Variants in GPR158 observed in about 807,000 individuals in gnomAD.
GPR158 encodes the protein G protein-coupled receptor 158.
GPR158 carries 30 observed loss-of-function variants against 78.2 expected under a neutral mutation model. The observed-to-expected ratio is 0.38, with a 90% confidence interval of 0.29 to 0.52. GPR158 has a LOEUF of 0.52. GPR158 is among the 20% of genes least tolerant of loss of function. The pLI is 0.83. For synonymous variants in GPR158, 581 were observed against 591.1 expected, an observed-to-expected ratio of 0.98 and a Z score of 0.25; for missense variants, 1,463 against 1,523.5, an observed-to-expected ratio of 0.96 and a Z score of 0.66.
At chr10:25,241,807 A>G (rs187040105) in intron 2 of GPR158, among the ~76,000 whole-genome samples, 247 of 152,294 alleles carry the variant, frequency 1.6e-3, no homozygotes, top group African/African-American at 5.7e-3. Flanking sequence ...AACTTAAGGT[A>G]TACAACTAAC....
chr10:25,298,495 C>CA (rs1004318644), intron 2 of GPR158, among the ~76,000 whole-genome samples: 3 of 152,020 alleles, frequency 2.0e-5, no homozygotes, highest in African/African-American at 7.2e-5. Flanking sequence ...TATTTTAAAT[C>CA]AAAAAATGGT....
intron 1 of GPR158, among the ~76,000 whole-genome samples, chr10:25,187,266 T>C (rs558127468): frequency 2.2e-4 from 33 of 151,732 alleles, no homozygotes; most frequent in Non-Finnish European, 2.9e-5. Flanking sequence ...CGTCCGGCCC[T>C]CCCTAACTCA....
intron 4 of GPR158, among the ~76,000 whole-genome samples, chr10:25,430,965 G>A (rs558836180): frequency 1.9e-4 from 28 of 145,704 alleles, no homozygotes; most frequent in Admixed American, 5.5e-4. Flanking sequence ...AGGACTTCAC[G>A]TCTAAAACAC....
At chr10:25,392,203 A>C (rs776048142) in intron 2 of GPR158, among the ~76,000 whole-genome samples, 1 of 152,164 alleles carries the variant, frequency 6.6e-6, no homozygotes, top group Non-Finnish European at 1.5e-5. Context: ...CTTATGGTAC[A>C]CCTGGTTCAG....
intron 2 of GPR158, among the ~76,000 whole-genome samples, chr10:25,302,060 T>A (rs1341602019): frequency 6.8e-6 from 1 of 148,010 alleles, no homozygotes; most frequent in African/African-American, 2.6e-5. Flanking sequence ...CTATCAGTAA[T>A]TTGTTCCTTT....
At chr10:25,397,066 A>G (rs929943620) in intron 3 of GPR158, among the ~76,000 whole-genome samples, 2 of 152,196 alleles carry the variant, frequency 1.3e-5, no homozygotes, top group African/African-American at 2.4e-5. Flanking sequence ...AGAGTCTTAA[A>G]TGACAGAGTA....
chr10:25,190,240 T>C (rs868795732), intron 1 of GPR158, among the ~76,000 whole-genome samples: 4 of 152,218 alleles, frequency 2.6e-5, no homozygotes, highest in Non-Finnish European at 4.4e-5. Context: ...TTTTAACTTA[T>C]TGATTCAACT....
In GPR158 at chr10:25,241,289, C is replaced by CT. The variant is rs892525045; in HGVS notation, c.1008+20136dup. Among the ~76,000 whole-genome samples the CT allele has an allele frequency of 6.8e-3, 703 of 102,834 alleles. 19 individuals are homozygous for CT. The highest frequency in any genetic ancestry group is 0.013 in the African/African-American group (310 of 23,464). 67.5% of individuals were successfully genotyped at this position (102,834 alleles called of 152,430 possible). On this transcript the variant is annotated intron_variant, in intron 2 of 10. Transcript: ENST00000376351. ...TTTCTTTCCTTTCTTTCTTTCTTTT[C>CT]TTTTCTTTTCTTTTCTTTTCTTTTC...
intron 5 of GPR158, among the ~76,000 whole-genome samples, chr10:25,541,967 T>TTTTATATA (rs1564484692): frequency 2.7e-5 from 4 of 147,530 alleles, no homozygotes; most frequent in African/African-American, 9.8e-5. Flanking sequence ...ATATATTATA[T>TTTTATATA]ATTATAATTA....
chr10:25,243,521 C>A (rs1853652459), intron 2 of GPR158, among the ~76,000 whole-genome samples: 1 of 152,156 alleles, frequency 6.6e-6, no homozygotes, highest in East Asian at 1.9e-4. Flanking sequence ...TGCCTGTGAT[C>A]TGTCATTCTG....
chr10:25,367,835 A>T (rs1588828365), intron 2 of GPR158, among the ~76,000 whole-genome samples: 1 of 148,820 alleles, frequency 6.7e-6, no homozygotes. Context: ...TGATATTAAT[A>T]TAGTTGCACA....
intron 2 of GPR158, among the ~76,000 whole-genome samples, chr10:25,279,227 A>G (rs1050575726): frequency 6.6e-6 from 1 of 152,142 alleles, no homozygotes; most frequent in Non-Finnish European, 1.5e-5. Flanking sequence ...CACGCTAGTG[A>G]TATGCCAGCC....
chr10:25,190,308 A>G (rs1283809505), intron 1 of GPR158, among the ~76,000 whole-genome samples: 1 of 152,082 alleles, frequency 6.6e-6, no homozygotes, highest in Non-Finnish European at 1.5e-5. Flanking sequence ...AAATGATTGA[A>G]ATGTTATATT....
chr10:25,444,872 A>G (rs73608297), intron 4 of GPR158, among the ~76,000 whole-genome samples: 3,807 of 152,228 alleles, frequency 0.025, 154 homozygotes, highest in African/African-American at 0.088. Context: ...CTTCTGATCC[A>G]TGACTGAAAA....
At chr10:25,490,682 C>T (rs1429847545) in intron 5 of GPR158, among the ~76,000 whole-genome samples, 1 of 141,196 alleles carries the variant, frequency 7.1e-6, no homozygotes, top group Admixed American at 7.4e-5. Flanking sequence ...TTTCTTAATC[C>T]AGTCTATCAT....
At chr10:25,426,855 A>G (rs1834831420) in intron 4 of GPR158, among the ~76,000 whole-genome samples, 1 of 152,118 alleles carries the variant, frequency 6.6e-6, no homozygotes, top group Non-Finnish European at 1.5e-5. Context: ...TAATTTATAA[A>G]CAATGCAGTA....
At position 25,213,269 on chromosome 10, in the gene GPR158, G is replaced by A. The variant is rs535701949; in HGVS notation, c.903-7783G>A. ...GAACATCTTAAAAAAAACTTCTCCC[G>A]TAAGAGTAATGTTGGTAGAGGCAAG... On this transcript the variant is annotated intron_variant, in intron 1 of 10. Transcript: ENST00000376351. Among the ~76,000 whole-genome samples, 130 of 152,138 alleles carry A rather than the reference G, an allele frequency of 8.5e-4. 1 individual carries two copies. The highest frequency in any genetic ancestry group is 2.0e-3 in the Admixed American group (30 of 15,280).
intron 6 of GPR158, among the ~76,000 whole-genome samples, chr10:25,553,618 T>C (rs7101141): frequency 0.3 from 44,916 of 152,048 alleles, 12,268 homozygotes; most frequent in African/African-American, 0.71. Context: ...GCTATATTTT[T>C]CCCATATTAT....
intron 2 of GPR158, among the ~76,000 whole-genome samples, chr10:25,269,139 A>G (rs1414579621): frequency 6.6e-6 from 1 of 152,204 alleles, no homozygotes; most frequent in Non-Finnish European, 1.5e-5. Context: ...AAATGAACCA[A>G]AGAATTTCTG....
Sources: allele counts gnomAD v4.1 joint callset (sites outside exome capture counted in the v4.1 genomes callset), GRCh38; gene constraint gnomAD v4.1.1; transcripts MANE v1.5; gene names NCBI Gene and HGNC (gene_info 2026-07-23, HGNC 2026-07-21).